MBD2: variants seen among roughly 807,000 people sequenced by gnomAD.
MBD2 encodes the protein methyl-CpG binding domain protein 2.
In MBD2, 9 loss-of-function variants were observed where a neutral mutation model predicts 39.3. The observed-to-expected ratio is 0.23, with a 90% CI of 0.14 to 0.40. The LOEUF (loss-of-function observed/expected upper bound fraction) is 0.40. Ranked by LOEUF, MBD2 falls within the 10% of genes least tolerant of loss-of-function variation. The probability of loss-of-function intolerance (pLI) is 1.00; values close to 1 mark genes in which losing one functional copy is unlikely to be tolerated. For missense variants in MBD2, 458 were observed against 532.6 expected, an observed-to-expected ratio of 0.86 and a Z score of 1.38; for synonymous variants, 233 against 211.1, an observed-to-expected ratio of 1.10 and a Z score of -0.90.
chr18:54,223,612 T>C (rs1599117702), intron 1 of MBD2, among the ~76,000 whole-genome samples: 2 of 152,264 alleles, frequency 1.3e-5, no homozygotes, highest in African/African-American at 4.8e-5. Flanking sequence ...TTACTGTAGA[T>C]AGCTCATTCT....
intron 5 of MBD2, among the ~76,000 whole-genome samples, chr18:54,161,491 G>T (rs1370465313): frequency 7.9e-5 from 12 of 152,166 alleles, no homozygotes. Context: ...TGACATATTG[G>T]TTTCACTGGC....
At chr18:54,188,147 C>A (rs2086296722) in intron 3 of MBD2, among the ~76,000 whole-genome samples, 1 of 151,984 alleles carries the variant, frequency 6.6e-6, no homozygotes, top group African/African-American at 2.4e-5. Flanking sequence ...CTCCCTCACC[C>A]CAATTGCTAC....
intron 1 of MBD2, among the ~76,000 whole-genome samples, chr18:54,223,346 T>C (rs2086631029): frequency 6.6e-6 from 1 of 152,224 alleles, no homozygotes. Flanking sequence ...TTATCGAATA[T>C]GTAGCAGCAT....
chr18:54,223,982 G>GGC, intron 1 of MBD2, 36 bp downstream of exon 1: 2 of 1,371,194 alleles, frequency 1.5e-6, no homozygotes, highest in Non-Finnish European at 1.0e-6. Context: ...ACCCCGGCCT[G>GGC]ACCCCGCCAC....
chr18:54,215,801 T>TG lies in MBD2; in HGVS notation c.542+8216_542+8217insC, dbSNP rs1422337161. ...GAGCCACCAAGCCCGGCCTTTTTTT[T>TG]TTTGTTTGTTTGTTTCTGAGACAGA... On this transcript the variant is annotated intron_variant, in intron 1 of 6. Transcript: ENST00000256429. Among the ~76,000 whole-genome samples, 79 of 147,882 alleles carry TG rather than the reference T, an allele frequency of 5.3e-4. 1 individual carries two copies. In the South Asian group the frequency reaches 0.014, roughly 26 times the overall value.
intron 2 of MBD2, chr18:54,202,869 A>T: frequency 7.6e-7 from 1 of 1,311,074 alleles, no homozygotes; most frequent in Non-Finnish European, 1.1e-6. Flanking sequence ...CAAGTCACAA[A>T]TACAATGGCA....
intron 1 of MBD2, 131 bp from the exon 2 acceptor site, chr18:54,205,288 T>TC: frequency 3.4e-6 from 3 of 881,298 alleles, no homozygotes; most frequent in Non-Finnish European, 5.1e-6. Flanking sequence ...ATGTTAAAGT[T>TC]TTGCTAGGCG....
At chr18:54,166,242 G>T (rs1490927737) in intron 3 of MBD2, 76 bp from the exon 4 acceptor site, 3 of 843,640 alleles carry the variant, frequency 3.6e-6, no homozygotes, top group African/African-American at 3.4e-5. Flanking sequence ...GTTGAATAAT[G>T]AAATTTAAAT....
chr18:54,193,605 C>T (rs1440851504), intron 2 of MBD2, among the ~76,000 whole-genome samples: 1 of 151,926 alleles, frequency 6.6e-6, no homozygotes, highest in Admixed American at 6.6e-5. Context: ...TTTGTACACT[C>T]CCAAAGGACA....
intron 3 of MBD2, among the ~76,000 whole-genome samples, chr18:54,180,522 G>A (rs2086243262): frequency 6.6e-6 from 1 of 152,028 alleles, no homozygotes; most frequent in South Asian, 2.1e-4. Flanking sequence ...GGAGCATGAC[G>A]GCAGAGAGAG....
At chr18:54,222,299 T>G in intron 1 of MBD2, 1 of 488,982 alleles carries the variant, frequency 2.0e-6, no homozygotes, top group Non-Finnish European at 4.0e-6. Flanking sequence ...TCCCATTGAA[T>G]GACAGCTGCC....
intron 6 of MBD2, among the ~76,000 whole-genome samples, chr18:54,158,768 T>G (rs957500363): frequency 6.6e-6 from 1 of 151,956 alleles, no homozygotes; most frequent in East Asian, 1.9e-4. Flanking sequence ...ATTACAAAAT[T>G]CCAGCTATTC....
At chr18:54,173,106 A>G (rs1245791526) in intron 3 of MBD2, among the ~76,000 whole-genome samples, 1 of 152,232 alleles carries the variant, frequency 6.6e-6, no homozygotes, top group African/African-American at 2.4e-5. Context: ...GTCTGAGCAC[A>G]TGAATATGAA....
chr18:54,167,583 T>C (rs2086143460), intron 3 of MBD2, among the ~76,000 whole-genome samples: 1 of 152,200 alleles, frequency 6.6e-6, no homozygotes, highest in Admixed American at 6.5e-5. Flanking sequence ...TCTGGATATA[T>C]GTGAAGTATC....
chr18:54,198,237 G>C (rs574753384), intron 2 of MBD2, among the ~76,000 whole-genome samples: 2 of 152,254 alleles, frequency 1.3e-5, no homozygotes, highest in South Asian at 4.1e-4. Flanking sequence ...ACCCAGTAAG[G>C]CATTACTTCA....
chr18:54,216,076 G>A (rs1452521955), intron 1 of MBD2, among the ~76,000 whole-genome samples: 1 of 151,982 alleles, frequency 6.6e-6, no homozygotes, highest in Non-Finnish European at 1.5e-5. Context: ...CAAAGTGCTG[G>A]GATTACAGGC....
At chr18:54,215,218 T>G (rs771818882) in intron 1 of MBD2, among the ~76,000 whole-genome samples, 1 of 152,218 alleles carries the variant, frequency 6.6e-6, no homozygotes, top group Non-Finnish European at 1.5e-5. Flanking sequence ...GCAAACTTAC[T>G]GGTCCTCAAG....
chr18:54,185,861 T>C (rs1568084783), intron 3 of MBD2, among the ~76,000 whole-genome samples: 1 of 152,140 alleles, frequency 6.6e-6, no homozygotes, highest in Non-Finnish European at 1.5e-5. Flanking sequence ...CCTTAAAATT[T>C]TAATTATAAG....
At chr18:54,185,973 G>A (rs1145319) in intron 3 of MBD2, among the ~76,000 whole-genome samples, 151,811 of 152,202 alleles carry the variant, frequency 1, 75,710 homozygotes, top group Middle Eastern at 1. Context: ...TTAAAAATTC[G>A]TAATTTATAT....
Sources: allele counts gnomAD v4.1 joint callset (sites outside exome capture counted in the v4.1 genomes callset), GRCh38; gene constraint gnomAD v4.1.1; transcripts MANE v1.5; gene names NCBI Gene and HGNC (gene_info 2026-07-23, HGNC 2026-07-21).